The following AGO3 variants were observed in gnomAD, a reference collection of about 807,000 sequenced individuals.
AGO3 encodes protein argonaute-3.
AGO3 carries 16 observed loss-of-function variants against 105.5 expected under a neutral mutation model. The observed-to-expected ratio is 0.15, with a 90% CI of 0.10 to 0.23. The LOEUF (loss-of-function observed/expected upper bound fraction) is 0.23. Among genes scored for constraint, AGO3 ranks in the 10% least tolerant of loss-of-function variants. The pLI, the probability that AGO3 is intolerant of heterozygous loss-of-function variation, is 1.00. For missense variants in AGO3, 534 were observed against 1,088.0 expected (o/e 0.49, Z 7.16); for synonymous variants, 340 against 367.3 (o/e 0.93, Z 0.85).
Position 35,973,527 on chromosome 1 carries a change from C to T in AGO3, c.658+16C>T, listed in dbSNP as rs1195628697. 11 of 1,529,446 alleles carry T rather than the reference C, an allele frequency of 7.2e-6. No homozygotes were observed. The highest frequency in any genetic ancestry group is 9.7e-6 in the Non-Finnish European group (11 of 1,129,808). The allele number at this position is 1,529,446 out of a possible 1,614,324, so 94.7% of individuals were successfully genotyped here. On this transcript the variant is annotated intron_variant, in intron 5 of 18. Transcript: ENST00000373191. ...AATATCGATGGTAAGGGAACTAAAG[C>T]CATATTCTGTATTGGGTGGTGGATT...
intron 1 of AGO3, among the ~76,000 whole-genome samples, chr1:35,932,563 T>A (rs1459159457): frequency 6.6e-6 from 1 of 152,038 alleles, no homozygotes; most frequent in African/African-American, 2.4e-5. Flanking sequence ...CAAATTTTTT[T>A]TTTTTTTTTT....
chr1:35,944,544 C>CTTTTTTTTTT (rs761797350), intron 1 of AGO3, among the ~76,000 whole-genome samples: 34 of 105,460 alleles, frequency 3.2e-4, no homozygotes, highest in Non-Finnish European at 3.8e-4. Context: ...ATTTTATTTA[C>CTTTTTTTTTT]TTTTTTTTTT....
At chr1:36,018,629 C>T (rs977604971) in intron 11 of AGO3, among the ~76,000 whole-genome samples, 1 of 151,948 alleles carries the variant, frequency 6.6e-6, no homozygotes, top group African/African-American at 2.4e-5. Flanking sequence ...GATGGGGTTT[C>T]ACCATGTTGG....
intron 1 of AGO3, among the ~76,000 whole-genome samples, chr1:35,937,181 C>T (rs1365488343): frequency 1.3e-5 from 2 of 152,160 alleles, no homozygotes; most frequent in African/African-American, 4.8e-5. Context: ...GCAGGTGGAT[C>T]AGCTGAGGTC....
rs1446653544 is a variant in AGO3, at chr1:35,989,537, C to T, written c.659-14804C>T. Among the ~76,000 whole-genome samples, 6 of 152,192 alleles carry T rather than the reference C, an allele frequency of 3.9e-5. No individual in the cohort carries two copies. The East Asian group carries it at 9.6e-4, about 24-fold the overall frequency. On this transcript the variant is annotated intron_variant, in intron 5 of 18. Coordinates refer to ENST00000373191, the MANE Select transcript of AGO3 (RefSeq NM_024852.4). Reference sequence around the variant, plus strand: ...TCTTTAGCTTGTTTTGAGGCCAGCCCATTTGCAACTTGCATTTTATTATTG... The same window carrying T: ...TCTTTAGCTTGTTTTGAGGCCAGCCTATTTGCAACTTGCATTTTATTATTG...
At chr1:35,962,472 G>A (rs565337367) in intron 2 of AGO3, among the ~76,000 whole-genome samples, 1 of 151,888 alleles carries the variant, frequency 6.6e-6, no homozygotes, top group Non-Finnish European at 1.5e-5. Flanking sequence ...GAACCCAGGA[G>A]GGGGAGCTTG....
intron 5 of AGO3, among the ~76,000 whole-genome samples, chr1:35,996,537 G>A (rs571844487): frequency 5.9e-5 from 9 of 152,024 alleles, no homozygotes; most frequent in East Asian, 3.9e-4. Flanking sequence ...TTGGGAGGCC[G>A]AGGCGGGCAG....
chr1:36,004,597 A>G (rs1321688315), intron 6 of AGO3, 122 bp downstream of exon 6: 4 of 861,176 alleles, frequency 4.6e-6, no homozygotes, highest in Non-Finnish European at 6.3e-6. Flanking sequence ...CTATACATCA[A>G]TTATAAAATA....
chr1:36,048,908 A>C (rs570550480), intron 17 of AGO3, among the ~76,000 whole-genome samples: 1 of 152,126 alleles, frequency 6.6e-6, no homozygotes, highest in Non-Finnish European at 1.5e-5. Flanking sequence ...GGATATCACT[A>C]TGTTGCCCAG....
intron 11 of AGO3, among the ~76,000 whole-genome samples, chr1:36,018,765 G>A (rs1017193876): frequency 2.0e-5 from 3 of 152,130 alleles, no homozygotes; most frequent in Non-Finnish European, 4.4e-5. Flanking sequence ...ACAAATAAAA[G>A]TATACCTTGT....
intron 1 of AGO3, among the ~76,000 whole-genome samples, chr1:35,932,704 T>A (rs567551388): frequency 6.6e-6 from 1 of 152,154 alleles, no homozygotes; most frequent in Non-Finnish European, 1.5e-5. Context: ...TCGACTCTTA[T>A]TCAGTTTTGA....
At chr1:35,948,867 GT>G (rs2148752789) in intron 2 of AGO3, among the ~76,000 whole-genome samples, 1 of 151,984 alleles carries the variant, frequency 6.6e-6, no homozygotes, top group East Asian at 1.9e-4. Context: ...CAAGTGGAAA[GT>G]TTTTAAATTT....
At chr1:35,950,193 C>T (rs1646445299) in intron 2 of AGO3, among the ~76,000 whole-genome samples, 1 of 151,926 alleles carries the variant, frequency 6.6e-6, no homozygotes, top group Non-Finnish European at 1.5e-5. Flanking sequence ...TGCACTCTAG[C>T]CTGGCAACAG....
At chr1:36,026,255 C>T (rs1417304535) in intron 11 of AGO3, among the ~76,000 whole-genome samples, 2 of 151,634 alleles carry the variant, frequency 1.3e-5, no homozygotes, top group African/African-American at 4.8e-5. Flanking sequence ...ACTACAGGTG[C>T]CTGCCACCAC....
intron 6 of AGO3, among the ~76,000 whole-genome samples, chr1:36,005,451 C>A (rs1055485902): frequency 6.6e-6 from 1 of 152,150 alleles, no homozygotes; most frequent in South Asian, 2.1e-4. Context: ...AAATAAGCAT[C>A]CATTTATCTC....
At chr1:35,942,793 C>G (rs888499457) in intron 1 of AGO3, among the ~76,000 whole-genome samples, 1 of 152,028 alleles carries the variant, frequency 6.6e-6, no homozygotes, top group Admixed American at 6.6e-5. Context: ...CAGTAGTGTT[C>G]GGTACATTCA....
chr1:35,971,166 T>G (rs187585516), intron 3 of AGO3, among the ~76,000 whole-genome samples: 137 of 140,750 alleles, frequency 9.7e-4, no homozygotes, highest in African/African-American at 3.8e-3. Flanking sequence ...ATTTATTTTA[T>G]TTATTTATTT....
intron 5 of AGO3, among the ~76,000 whole-genome samples, chr1:35,980,903 A>G (rs1234479320): frequency 6.6e-6 from 1 of 152,156 alleles, no homozygotes; most frequent in Non-Finnish European, 1.5e-5. Context: ...TTTCTATCCT[A>G]CATGCTTCTT....
chr1:35,976,202 T>TGCTCCCA (rs1431563225), intron 5 of AGO3, among the ~76,000 whole-genome samples: 1 of 152,230 alleles, frequency 6.6e-6, no homozygotes, highest in Non-Finnish European at 1.5e-5. Flanking sequence ...CCCAGAGTGC[T>TGCTCCCA]GGGATTACAG....
Sources: allele counts gnomAD v4.1 joint callset (sites outside exome capture counted in the v4.1 genomes callset), GRCh38; gene constraint gnomAD v4.1.1; transcripts MANE v1.5; gene names NCBI Gene and HGNC (gene_info 2026-07-23, HGNC 2026-07-21).